SGTB: variants seen among roughly 807,000 people sequenced by gnomAD.
SGTB encodes the protein small glutamine-rich tetratricopeptide repeat-containing protein beta.
In SGTB, 19 loss-of-function variants were observed where a neutral mutation model predicts 43.9. The observed-to-expected ratio is 0.43, with a 90% CI of 0.30 to 0.63. The LOEUF (loss-of-function observed/expected upper bound fraction) is 0.63, where lower values mean the gene tolerates loss of function less well. SGTB is among the 30% of genes least tolerant of loss of function. The pLI is 0.12. For synonymous variants in SGTB, 116 were observed against 117.3 expected (o/e 0.99, Z 0.07); for missense variants, 304 against 358.9 (o/e 0.85, Z 1.24).
chr5:65,694,505 C>T (rs984845557), intron 5 of SGTB, among the ~76,000 whole-genome samples: 2 of 152,162 alleles, frequency 1.3e-5, no homozygotes, highest in South Asian at 2.1e-4. Flanking sequence ...GACAGAGTTT[C>T]GCTCTTGTAG....
chr5:65,722,351 G>C, upstream of SGTB: 1 of 1,547,524 alleles, frequency 6.5e-7, no homozygotes, highest in Non-Finnish European at 8.7e-7. Context: ...CGCGCCCGCC[G>C]CCGCCAGCCT....
At chr5:65,701,009 CAAAAAAAAA>C (rs1161067337) in intron 5 of SGTB, among the ~76,000 whole-genome samples, 1 of 16,086 alleles carries the variant, frequency 6.2e-5, no homozygotes, top group Non-Finnish European at 1.5e-4. Context: ...GACTCCGTCT[CAAAAAAAAA>C]AAAAAAAAAA....
In SGTB at chr5:65,682,673, T is replaced by C. The variant is rs75269756; in HGVS notation, c.480-1879A>G. On this transcript the variant is annotated intron_variant, in intron 6 of 10. Transcript: ENST00000381007. ...ATAGATAACTAATTGTACAATGTATTGAGATTGGAAAGATTTTGGAAGGGA... is the reference window on the plus strand; with the variant it reads ...ATAGATAACTAATTGTACAATGTATCGAGATTGGAAAGATTTTGGAAGGGA... Among the ~76,000 whole-genome samples the C allele has an allele frequency of 9.0e-3, 1,367 of 152,274 alleles. 32 individuals are homozygous for C. Among genetic ancestry groups the C allele is most frequent in the African/African-American group, 0.031 (1,300 of 41,554 alleles).
intron 2 of SGTB, among the ~76,000 whole-genome samples, chr5:65,719,344 C>G (rs771967115): frequency 1.3e-5 from 2 of 152,140 alleles, no homozygotes; most frequent in Admixed American, 6.5e-5. Flanking sequence ...AATCTCAGTA[C>G]TTTGGGAGGC....
Position 65,680,415 on chromosome 5 carries a change from T to A in SGTB, c.681+79A>T, listed in dbSNP as rs371875235. The A allele has an allele frequency of 1.5e-5, 22 of 1,479,728 alleles. No homozygotes were observed. In the African/African-American group the frequency reaches 3.3e-4, roughly 22 times the overall value. The allele number at this position is 1,479,728 out of a possible 1,614,324, so 91.7% of individuals were successfully genotyped here. A position where few individuals can be genotyped will look rare whatever the true frequency, so the allele number is the denominator to read the frequency against. On this transcript the variant is annotated intron_variant, in intron 8 of 10. Transcript: ENST00000381007. ...TACAACCACCACCACAAAAACTCAC[T>A]TGTTTCTAAAAAAAATTGCATAGCT...
intron 5 of SGTB, among the ~76,000 whole-genome samples, chr5:65,703,737 A>C (rs1287264478): frequency 6.6e-6 from 1 of 151,074 alleles, no homozygotes; most frequent in Non-Finnish European, 1.5e-5. Context: ...AAAAATAAAA[A>C]TAAAAATGAA....
chr5:65,675,254 C>T (rs193238008), intron 8 of SGTB, among the ~76,000 whole-genome samples: 2 of 152,268 alleles, frequency 1.3e-5, no homozygotes, highest in African/African-American at 4.8e-5. Flanking sequence ...CTATATCTAT[C>T]TATCTATATC....
chr5:65,673,065 T>C (rs16894221), intron 8 of SGTB, among the ~76,000 whole-genome samples: 3,323 of 152,288 alleles, frequency 0.022, 104 homozygotes, highest in African/African-American at 0.076. Context: ...TTAAACTAGT[T>C]CTGCAGCAGT....
At chr5:65,715,948 T>G (rs1758138989) in intron 2 of SGTB, among the ~76,000 whole-genome samples, 1 of 152,222 alleles carries the variant, frequency 6.6e-6, no homozygotes, top group Non-Finnish European at 1.5e-5. Flanking sequence ...TTTTGTATTT[T>G]TAGTAGAGAG....
Position 65,670,302 on chromosome 5 carries a change from G to A in SGTB, c.859C>T (p.Leu287=). 1.2e-6 allele frequency: 2 copies of A among 1,614,186 alleles called. No homozygotes were observed. Among genetic ancestry groups the A allele is most frequent in the Non-Finnish European group, 1.7e-6 (2 of 1,180,008 alleles). Residue 287 remains leucine, a synonymous_variant, in exon 11 of 11, where the codon CTG becomes TTG. Coordinates refer to ENST00000381007, the MANE Select transcript of SGTB (RefSeq NM_019072.3). ...GATCTGCTCCGGATGTGATTTCTCA[G>A]TTGCTCTATAAGTTCAGGATTTTGT... The part of the protein sequence containing the change: ...QQQNPELIEQ[L]RNHIRSRSFS...
chr5:65,717,640 A>C (rs981525240), intron 2 of SGTB, among the ~76,000 whole-genome samples: 3 of 152,128 alleles, frequency 2.0e-5, no homozygotes, highest in Non-Finnish European at 4.4e-5. Flanking sequence ...ACCAACTAAA[A>C]GTGAGGACAG....
chr5:65,717,238 T>G (rs1045840660), intron 2 of SGTB, among the ~76,000 whole-genome samples: 1 of 151,296 alleles, frequency 6.6e-6, no homozygotes, highest in East Asian at 1.9e-4. Flanking sequence ...AGGAGAGGAG[T>G]TGGAGAAAGC....
intron 5 of SGTB, among the ~76,000 whole-genome samples, chr5:65,694,744 T>C (rs1376372644): frequency 6.6e-6 from 1 of 152,010 alleles, no homozygotes; most frequent in Non-Finnish European, 1.5e-5. Flanking sequence ...TCCCAAAGCA[T>C]AATGGGTTTT....
At chr5:65,683,895 G>A (rs1757447948) in intron 6 of SGTB, among the ~76,000 whole-genome samples, 1 of 151,216 alleles carries the variant, frequency 6.6e-6, no homozygotes, top group Non-Finnish European at 1.5e-5. Context: ...GCAGTAAGCT[G>A]AGATCGCGCC....
intron 2 of SGTB, 44 bp downstream of exon 2, chr5:65,720,664 G>A (rs781276129): frequency 1.2e-5 from 19 of 1,580,766 alleles, no homozygotes; most frequent in East Asian, 2.3e-5. Flanking sequence ...TTTAGTCTTC[G>A]TTTATAATTA....
intron 2 of SGTB, among the ~76,000 whole-genome samples, chr5:65,715,764 T>TTTG (rs553341561): frequency 3.3e-5 from 5 of 151,832 alleles, no homozygotes; most frequent in Non-Finnish European, 5.9e-5. Flanking sequence ...CTGCAGGGTT[T>TTTG]TTGTTGTTGT....
At chr5:65,708,284 GA>G (rs745724700) in intron 4 of SGTB, among the ~76,000 whole-genome samples, 1 of 152,140 alleles carries the variant, frequency 6.6e-6, no homozygotes, top group Non-Finnish European at 1.5e-5. Context: ...TGCTTCTCTT[GA>G]AGCAAGCCGT....
rs1202447110 is a variant in SGTB, at chr5:65,670,344, C to T, written c.817G>A (p.Ala273Thr). ...SSLIQAGQQF[A>T]QQIQQQNPEL... ...GGATTTTGTTGCTGTATCTGCTGAG[C>T]AAACTGCTGTCCCCTGTAGTAAAGA... The change falls in exon 11 of 11, where the codon GCT becomes ACT. Residue 273 changes from alanine (A) to threonine (T), a missense_variant. Physicochemically the swap from Ala to Thr is moderately conservative, Grantham distance 58 (BLOSUM62 0). Transcript: ENST00000381007. The T allele has an allele frequency of 6.2e-7, 1 of 1,613,926 alleles. No homozygotes were observed. The highest frequency in any genetic ancestry group is 1.3e-5 in the African/African-American group (1 of 74,914).
chr5:65,688,139 A>G (rs1175451313), intron 5 of SGTB, among the ~76,000 whole-genome samples: 2 of 152,208 alleles, frequency 1.3e-5, no homozygotes, highest in Non-Finnish European at 2.9e-5. Context: ...ATTTATTGAG[A>G]GAAAAGGAGT....
Sources: gnomAD v4.1 joint callset for allele counts (sites outside exome capture counted in the v4.1 genomes callset) on GRCh38, gnomAD v4.1.1 for gene constraint, MANE v1.5 for transcripts, NCBI Gene and HGNC (gene_info 2026-07-23, HGNC 2026-07-21) for gene names.